Variants in PRKCA observed in about 807,000 individuals in gnomAD.
The protein encoded by PRKCA is protein kinase C alpha type.
A neutral mutation model predicts 87.0 loss-of-function variants in PRKCA; 27 were observed. The ratio of observed to expected loss-of-function variants is 0.31; its 90% CI spans 0.23 to 0.43. The LOEUF (loss-of-function observed/expected upper bound fraction) is 0.43, where lower values mean the gene tolerates loss of function less well. Among genes scored for constraint, PRKCA ranks in the 20% least tolerant of loss-of-function variants. The probability of loss-of-function intolerance (pLI) is 1.00; values close to 1 mark genes in which losing one functional copy is unlikely to be tolerated. For synonymous variants in PRKCA, 329 were observed against 311.1 expected, an observed-to-expected ratio of 1.06 and a Z score of -0.61; for missense variants, 518 against 852.3, an observed-to-expected ratio of 0.61 and a Z score of 4.88.
intron 13 of PRKCA, among the ~76,000 whole-genome samples, chr17:66,761,735 T>G (rs528457298): frequency 6.6e-6 from 1 of 152,244 alleles, no homozygotes; most frequent in South Asian, 2.1e-4. Context: ...GTTTTCTTTT[T>G]TTTTTATATA....
chr17:66,455,779 G>A (rs190218820), intron 2 of PRKCA, among the ~76,000 whole-genome samples: 1 of 152,312 alleles, frequency 6.6e-6, no homozygotes, highest in African/African-American at 2.4e-5. Flanking sequence ...GAACATCTGA[G>A]AAGGGAGTGA....
intron 2 of PRKCA, among the ~76,000 whole-genome samples, chr17:66,390,971 C>G (rs1431612449): frequency 6.6e-6 from 1 of 151,436 alleles, no homozygotes; most frequent in Non-Finnish European, 1.5e-5. Context: ...AGAAATCAGA[C>G]CCTCCTGAAG....
At chr17:66,551,519 A>G (rs866035278) in intron 3 of PRKCA, among the ~76,000 whole-genome samples, 1 of 152,230 alleles carries the variant, frequency 6.6e-6, no homozygotes, top group Non-Finnish European at 1.5e-5. Context: ...CTTCCATCAG[A>G]GTGAGTAAGA....
chr17:66,780,192 T>C (rs1975171695), intron 14 of PRKCA, among the ~76,000 whole-genome samples: 1 of 152,178 alleles, frequency 6.6e-6, no homozygotes, highest in South Asian at 2.1e-4. Context: ...CACAGGTGTC[T>C]CTAGTAGCGT....
At chr17:66,391,136 C>T (rs1428496276) in intron 2 of PRKCA, among the ~76,000 whole-genome samples, 2 of 152,104 alleles carry the variant, frequency 1.3e-5, no homozygotes, top group Non-Finnish European at 2.9e-5. Flanking sequence ...TGCTGCGAGT[C>T]CTGAAATGGA....
At chr17:66,369,694 C>T (rs996138772) in intron 2 of PRKCA, among the ~76,000 whole-genome samples, 4 of 152,192 alleles carry the variant, frequency 2.6e-5, no homozygotes, top group African/African-American at 9.6e-5. Context: ...TCTGTCCACT[C>T]TTTTCTGGGA....
intron 2 of PRKCA, among the ~76,000 whole-genome samples, chr17:66,375,851 G>T (rs146089726): frequency 0.011 from 1,620 of 152,234 alleles, 9 homozygotes; most frequent in Admixed American, 0.014. Context: ...CCGGCATGTG[G>T]CTTAATCCTC....
chr17:66,509,281 AG>A (rs1917120107), intron 3 of PRKCA, among the ~76,000 whole-genome samples: 1 of 152,002 alleles, frequency 6.6e-6, no homozygotes, highest in Non-Finnish European at 1.5e-5. Flanking sequence ...TTGCAGGGTG[AG>A]CTGGCAAGTT....
chr17:66,500,014 G>A (rs1020808059), intron 3 of PRKCA, among the ~76,000 whole-genome samples: 15 of 152,170 alleles, frequency 9.9e-5, no homozygotes, highest in Non-Finnish European at 1.8e-4. Flanking sequence ...GGGCCCTTTA[G>A]GAGGTGATTC....
At chr17:66,777,606 A>T in intron 14 of PRKCA, 1 of 985,336 alleles carries the variant, frequency 1.0e-6, no homozygotes, top group East Asian at 1.1e-4. Context: ...GCTCTGAATT[A>T]CAGGCCCCCT....
At chr17:66,343,627 G>A (rs546041148) in intron 2 of PRKCA, among the ~76,000 whole-genome samples, 1 of 152,228 alleles carries the variant, frequency 6.6e-6, no homozygotes, top group African/African-American at 2.4e-5. Flanking sequence ...AAGTGATGGC[G>A]ACTTGGACGG....
At chr17:66,568,937 AG>A (rs1968980833) in intron 3 of PRKCA, among the ~76,000 whole-genome samples, 1 of 152,108 alleles carries the variant, frequency 6.6e-6, no homozygotes, top group Non-Finnish European at 1.5e-5. Flanking sequence ...CTAAGCCTTC[AG>A]TTGCCAAGCA....
intron 13 of PRKCA, among the ~76,000 whole-genome samples, chr17:66,755,585 C>T (rs1202376392): frequency 1.3e-5 from 2 of 152,120 alleles, no homozygotes; most frequent in Non-Finnish European, 2.9e-5. Context: ...CTTTTCAGTT[C>T]TTTGTGTTTG....
intron 16 of PRKCA, among the ~76,000 whole-genome samples, chr17:66,800,397 G>C (rs774039039): frequency 6.6e-6 from 1 of 152,188 alleles, no homozygotes; most frequent in Non-Finnish European, 1.5e-5. Flanking sequence ...GGCGGAGCAC[G>C]AGCCCTTAAC....
intron 7 of PRKCA, 35 bp downstream of exon 7, chr17:66,688,471 G>A (rs1359936943): frequency 6.2e-7 from 1 of 1,612,898 alleles, no homozygotes; most frequent in Middle Eastern, 1.7e-4. Context: ...ATGTCTCAAA[G>A]CATCAGACCA....
intron 13 of PRKCA, among the ~76,000 whole-genome samples, chr17:66,748,940 G>C (rs752491881): frequency 6.6e-6 from 1 of 152,030 alleles, no homozygotes; most frequent in Admixed American, 6.5e-5. Context: ...GAGACCTCAC[G>C]GTGGCAGGAA....
At chr17:66,795,137 T>C (rs1598950524) in intron 16 of PRKCA, among the ~76,000 whole-genome samples, 1 of 152,302 alleles carries the variant, frequency 6.6e-6, no homozygotes, top group South Asian at 2.1e-4. Context: ...TTCCTGAACA[T>C]AAGGACATCT....
chr17:66,686,904 A>G (rs999965983), intron 5 of PRKCA, among the ~76,000 whole-genome samples: 1 of 152,158 alleles, frequency 6.6e-6, no homozygotes, highest in Non-Finnish European at 1.5e-5. Context: ...CCCACCCACA[A>G]GGGCCCACAC....
chr17:66,691,606 A>C (rs923268213), intron 8 of PRKCA, among the ~76,000 whole-genome samples: 10 of 152,034 alleles, frequency 6.6e-5, no homozygotes, highest in African/African-American at 2.4e-4. Context: ...ATGTCACACC[A>C]CCTCTGTGAC....
Sources: gnomAD v4.1 joint callset for allele counts (sites outside exome capture counted in the v4.1 genomes callset) on GRCh38, gnomAD v4.1.1 for gene constraint, MANE v1.5 for transcripts, NCBI Gene and HGNC (gene_info 2026-07-23, HGNC 2026-07-21) for gene names.